KCNT2: variants seen among roughly 807,000 people sequenced by gnomAD.
The protein encoded by KCNT2 is potassium sodium-activated channel subfamily T member 2.
Under a neutral mutation model 153.8 loss-of-function variants are expected in KCNT2, and 67 were observed. That is an observed-to-expected ratio of 0.44 (90% CI 0.36 to 0.53). The LOEUF (loss-of-function observed/expected upper bound fraction) is 0.53. Among genes scored for constraint, KCNT2 ranks in the 20% least tolerant of loss-of-function variants. KCNT2 has a pLI of 0.00. For missense variants in KCNT2, 975 were observed against 1,354.8 expected (o/e 0.72, Z 4.40); for synonymous variants, 500 against 458.8 (o/e 1.09, Z -1.15).
chr1:196,361,537 T>C lies in KCNT2; in HGVS notation c.1403+11603A>G, dbSNP rs1667622986. Among the ~76,000 whole-genome samples the C allele has an allele frequency of 1.3e-5, 2 of 152,038 alleles. 1 individual carries two copies. Among genetic ancestry groups the C allele is most frequent in the Non-Finnish European group, 2.9e-5 (2 of 68,006 alleles). ...CAGGAAGCTTGCCAGAAGATGACAT[T>C]AGCTGTTGTCAGCAGCTAGATAATA... is the stretch of plus-strand genomic sequence containing the variant. On this transcript the variant is annotated intron_variant, in intron 14 of 27. Transcript: ENST00000294725.
chr1:196,606,374 C>T (rs1328985870), intron 1 of KCNT2, among the ~76,000 whole-genome samples: 1 of 152,108 alleles, frequency 6.6e-6, no homozygotes, highest in Non-Finnish European at 1.5e-5. Flanking sequence ...TTCCATGAAG[C>T]CACAAAAGTA....
intron 14 of KCNT2, among the ~76,000 whole-genome samples, chr1:196,367,230 A>T (rs1051975091): frequency 1.3e-5 from 2 of 151,114 alleles, no homozygotes; most frequent in Non-Finnish European, 3.0e-5. Flanking sequence ...AAAGAACTAT[A>T]AAAAAAAATC....
chr1:196,335,388 G>A (rs377173470), intron 16 of KCNT2, among the ~76,000 whole-genome samples: 1 of 152,052 alleles, frequency 6.6e-6, no homozygotes, highest in Non-Finnish European at 1.5e-5. Flanking sequence ...CTGCTATATG[G>A]TATAGGTATA....
At chr1:196,298,872 T>C (rs1194677459) in intron 22 of KCNT2, among the ~76,000 whole-genome samples, 2 of 150,278 alleles carry the variant, frequency 1.3e-5, no homozygotes, top group African/African-American at 2.5e-5. Flanking sequence ...AGTATTGAAG[T>C]TCTGAGCCAG....
intron 8 of KCNT2, among the ~76,000 whole-genome samples, chr1:196,439,307 T>C (rs1675013273): frequency 6.6e-6 from 1 of 151,978 alleles, no homozygotes; most frequent in Non-Finnish European, 1.5e-5. Flanking sequence ...TTATGAATAC[T>C]ATAGAACAAA....
At chr1:196,244,803 G>C (rs1358776544) in intron 26 of KCNT2, among the ~76,000 whole-genome samples, 1 of 152,020 alleles carries the variant, frequency 6.6e-6, no homozygotes, top group African/African-American at 2.4e-5. Context: ...GAAAAAAGAT[G>C]GGCTGGTTTT....
intron 14 of KCNT2, among the ~76,000 whole-genome samples, chr1:196,350,627 C>G (rs746666315): frequency 2.0e-5 from 3 of 152,042 alleles, no homozygotes; most frequent in Non-Finnish European, 4.4e-5. Context: ...GAGTAGGCTG[C>G]GAAAATTTTC....
intron 1 of KCNT2, among the ~76,000 whole-genome samples, chr1:196,588,435 T>C (rs1486597362): frequency 6.6e-6 from 1 of 152,112 alleles, no homozygotes; most frequent in African/African-American, 2.4e-5. Context: ...GTGTGATTTA[T>C]TAATCTGTTT....
chr1:196,372,621 A>C (rs1052490672), intron 14 of KCNT2, among the ~76,000 whole-genome samples: 4 of 151,958 alleles, frequency 2.6e-5, no homozygotes, highest in African/African-American at 9.7e-5. Context: ...CTTGAAATGC[A>C]TATAAAAAGT....
intron 5 of KCNT2, among the ~76,000 whole-genome samples, chr1:196,474,138 A>T (rs1261892020): frequency 6.6e-6 from 1 of 152,112 alleles, no homozygotes; most frequent in Admixed American, 6.6e-5. Flanking sequence ...TAATGCAGAA[A>T]AATATGCGAT....
chr1:196,485,683 T>A (rs528819403), intron 3 of KCNT2, among the ~76,000 whole-genome samples: 3 of 151,744 alleles, frequency 2.0e-5, no homozygotes, highest in South Asian at 4.2e-4. Context: ...TTCAAAGAGA[T>A]CTCCAATGGA....
At chr1:196,243,930 G>C (rs1334917500) in intron 26 of KCNT2, among the ~76,000 whole-genome samples, 1 of 151,924 alleles carries the variant, frequency 6.6e-6, no homozygotes, top group Admixed American at 6.6e-5. Context: ...AGCTGCAAGA[G>C]AGGCTTCTCC....
At chr1:196,543,626 T>A (rs1044520834) in intron 1 of KCNT2, among the ~76,000 whole-genome samples, 8 of 152,308 alleles carry the variant, frequency 5.3e-5, no homozygotes, top group African/African-American at 1.9e-4. Context: ...ATGTCCACGA[T>A]AATTTTCTAT....
intron 8 of KCNT2, among the ~76,000 whole-genome samples, chr1:196,464,381 T>G (rs533274124): frequency 1.3e-5 from 2 of 151,984 alleles, no homozygotes; most frequent in Non-Finnish European, 2.9e-5. Flanking sequence ...CAATAAAACA[T>G]ATTTGAAAAC....
At chr1:196,516,172 G>A (rs1333465670) in intron 1 of KCNT2, among the ~76,000 whole-genome samples, 2 of 152,136 alleles carry the variant, frequency 1.3e-5, no homozygotes, top group Admixed American at 1.3e-4. Context: ...AGACCCACTG[G>A]CTTGGAACTC....
chr1:196,607,174 T>G (rs555266889), intron 1 of KCNT2, among the ~76,000 whole-genome samples: 148 of 152,204 alleles, frequency 9.7e-4, no homozygotes, highest in African/African-American at 3.4e-3. Context: ...CAGTGGTGAA[T>G]GAGGAGGGGA....
At chr1:196,498,732 G>A (rs547160813) in intron 1 of KCNT2, among the ~76,000 whole-genome samples, 4 of 152,298 alleles carry the variant, frequency 2.6e-5, no homozygotes, top group Middle Eastern at 6.8e-3. Flanking sequence ...CGTGTTTGGT[G>A]ATCTGACTTT....
intron 16 of KCNT2, among the ~76,000 whole-genome samples, 167 bp downstream of exon 16, chr1:196,340,174 A>G (rs528767736): frequency 5.8e-4 from 88 of 152,038 alleles, no homozygotes; most frequent in Admixed American, 1.1e-3. Context: ...TAAAAAATTC[A>G]CAACTTAGAA....
intron 22 of KCNT2, among the ~76,000 whole-genome samples, chr1:196,289,281 C>T (rs1303103878): frequency 6.6e-6 from 1 of 152,002 alleles, no homozygotes; most frequent in African/African-American, 2.4e-5. Context: ...TGTCTTTCTG[C>T]AGTTACTCTT....
Sources: allele counts gnomAD v4.1 joint callset (sites outside exome capture counted in the v4.1 genomes callset), GRCh38; gene constraint gnomAD v4.1.1; transcripts MANE v1.5; gene names NCBI Gene and HGNC (gene_info 2026-07-23, HGNC 2026-07-21).